CARMIL1: variants seen among roughly 807,000 people sequenced by gnomAD.
CARMIL1 encodes capping protein regulator and myosin 1 linker 1, also known as F-actin-uncapping protein LRRC16A.
In CARMIL1, 90 loss-of-function variants were observed where a neutral mutation model predicts 177.1. The ratio of observed to expected loss-of-function variants is 0.51; its 90% CI spans 0.43 to 0.61. The LOEUF is 0.61. CARMIL1 is among the 20% of genes least tolerant of loss of function. CARMIL1 has a pLI of 0.00. For synonymous variants in CARMIL1, 577 were observed against 606.2 expected, an observed-to-expected ratio of 0.95 and a Z score of 0.71; for missense variants, 1,380 against 1,667.0, an observed-to-expected ratio of 0.83 and a Z score of 3.00.
At chr6:25,341,649 C>G (rs1292267318) in intron 2 of CARMIL1, among the ~76,000 whole-genome samples, 1 of 152,234 alleles carries the variant, frequency 6.6e-6, no homozygotes, top group Admixed American at 6.5e-5. Flanking sequence ...ACCTGCAGGG[C>G]AGAGGTTGCA....
At chr6:25,431,742 C>T (rs952958028) in intron 4 of CARMIL1, among the ~76,000 whole-genome samples, 11 of 152,150 alleles carry the variant, frequency 7.2e-5, no homozygotes, top group Non-Finnish European at 1.3e-4. Flanking sequence ...TCTTACCACA[C>T]TTGTAGTCTT....
intron 2 of CARMIL1, among the ~76,000 whole-genome samples, chr6:25,344,014 CTCTT>C (rs571039020): frequency 5.7e-4 from 87 of 152,222 alleles, no homozygotes; most frequent in Admixed American, 3.0e-3. Flanking sequence ...GGTCATTCCC[CTCTT>C]TCTTTGAAAA....
intron 2 of CARMIL1, among the ~76,000 whole-genome samples, chr6:25,397,060 A>T (rs1793467932): frequency 6.6e-6 from 1 of 152,112 alleles, no homozygotes; most frequent in Non-Finnish European, 1.5e-5. Flanking sequence ...GCAAACACTT[A>T]TTGAGGGGGG....
intron 2 of CARMIL1, among the ~76,000 whole-genome samples, chr6:25,330,888 GTTTTTT>G (rs67633087): frequency 1.8e-4 from 21 of 118,212 alleles, no homozygotes; most frequent in African/African-American, 4.5e-4. Flanking sequence ...TTTTCAAGAG[GTTTTTT>G]TTTTTTTTTT....
chr6:25,414,163 T>C (rs1461916578), intron 2 of CARMIL1, among the ~76,000 whole-genome samples: 2 of 152,194 alleles, frequency 1.3e-5, no homozygotes, highest in East Asian at 3.9e-4. Flanking sequence ...ATGAGGCACC[T>C]CAGTTTGCTC....
chr6:25,305,235 T>C (rs1783171266), intron 2 of CARMIL1, among the ~76,000 whole-genome samples: 1 of 152,208 alleles, frequency 6.6e-6, no homozygotes, highest in South Asian at 2.1e-4. Context: ...GCTAATACTT[T>C]AAAAGGTTCT....
chr6:25,419,450 C>T (rs1040260890), intron 2 of CARMIL1, among the ~76,000 whole-genome samples: 7 of 152,146 alleles, frequency 4.6e-5, no homozygotes, highest in Non-Finnish European at 8.8e-5. Context: ...CCTAGCTCAG[C>T]CCCTTAGTAT....
chr6:25,570,407 ATTT>A (rs1811974559), intron 29 of CARMIL1, among the ~76,000 whole-genome samples: 2 of 152,196 alleles, frequency 1.3e-5, no homozygotes, highest in African/African-American at 4.8e-5. Flanking sequence ...AGAGAATTCT[ATTT>A]TTGGACTACT....
At chr6:25,383,281 A>G (rs964360707) in intron 2 of CARMIL1, among the ~76,000 whole-genome samples, 1 of 152,206 alleles carries the variant, frequency 6.6e-6, no homozygotes, top group African/African-American at 2.4e-5. Context: ...AAATGTCTTT[A>G]TAAGGTTTCA....
At position 25,279,406 on chromosome 6, in the gene CARMIL1, G is replaced by T; in HGVS notation, c.-390G>T. On this transcript the variant is annotated 5_prime_UTR_variant, in exon 1 of 37. Transcript: ENST00000329474. ...CCCACGCCTTCCGCTTTCACCTAGG[G>T]CTGTAGGTGCGGCGCGGAGGCTGGG... 2.9e-6 allele frequency: 1 copy of T among 340,070 alleles called. No individual in the cohort carries two copies. The highest frequency in any genetic ancestry group is 5.5e-6 in the Non-Finnish European group (1 of 182,816). 21.1% of individuals were successfully genotyped at this position (340,070 alleles called of 1,614,324 possible).
chr6:25,390,712 G>T (rs948597343), intron 2 of CARMIL1, among the ~76,000 whole-genome samples: 1 of 151,702 alleles, frequency 6.6e-6, no homozygotes, highest in Admixed American at 6.6e-5. Context: ...TTTTTTTTGC[G>T]ACAGTCTCGC....
chr6:25,366,203 C>T (rs982123492), intron 2 of CARMIL1, among the ~76,000 whole-genome samples: 1 of 151,978 alleles, frequency 6.6e-6, no homozygotes, highest in Non-Finnish European at 1.5e-5. Flanking sequence ...CACTGTGTTG[C>T]CCAGGCTGAT....
intron 2 of CARMIL1, among the ~76,000 whole-genome samples, chr6:25,395,669 TA>T (rs747397756): frequency 7.2e-5 from 11 of 152,254 alleles, no homozygotes; most frequent in African/African-American, 1.4e-4. Context: ...ATTGCTCATA[TA>T]GTATTGCTCG....
In CARMIL1 at chr6:25,515,548, A is replaced by G; in HGVS notation, c.1633-127A>G. ...AAGTTTCTATCCACGAGTGTCTTTT[A>G]GGTAGTAGTTCTAAAATCAGACACG... On this transcript the variant is annotated intron_variant, in intron 20 of 36. Coordinates refer to ENST00000329474, the MANE Select transcript of CARMIL1 (RefSeq NM_017640.6). The surrounding 1 kb of genome is among the most constrained non-coding windows in gnomAD (Gnocchi z 5.0). The G allele has an allele frequency of 1.3e-6, 1 of 796,634 alleles. No homozygotes were observed. Among genetic ancestry groups the G allele is most frequent in the Non-Finnish European group, 1.9e-6 (1 of 531,376 alleles). 49.3% of individuals were successfully genotyped at this position (796,634 alleles called of 1,614,324 possible).
intron 17 of CARMIL1, among the ~76,000 whole-genome samples, chr6:25,500,920 C>A (rs980655136): frequency 6.6e-6 from 1 of 151,850 alleles, no homozygotes; most frequent in East Asian, 1.9e-4. Context: ...CCACCACGCC[C>A]GGCTATTTTT....
At chr6:25,444,046 G>A (rs1422126991) in intron 5 of CARMIL1, among the ~76,000 whole-genome samples, 5 of 152,120 alleles carry the variant, frequency 3.3e-5, no homozygotes, top group Non-Finnish European at 7.4e-5. Context: ...CAGGTGATCC[G>A]CCTGCCTCAG....
rs572982446 is a variant in CARMIL1, at chr6:25,542,791, A to C, written c.2328+2713A>C. ...CATGACAAGTGGACAACCTTTTACT[A>C]TTAAAAAAAATACCATTTGTCTATA... On this transcript the variant is annotated intron_variant, in intron 26 of 36. Coordinates refer to ENST00000329474, the MANE Select transcript of CARMIL1 (RefSeq NM_017640.6). Among the ~76,000 whole-genome samples, 34 of 152,236 alleles carry C rather than the reference A, an allele frequency of 2.2e-4. No homozygotes were observed. In the East Asian group the frequency reaches 4.2e-3, roughly 19 times the overall value.
intron 2 of CARMIL1, among the ~76,000 whole-genome samples, chr6:25,300,073 G>A (rs1782729260): frequency 1.3e-5 from 2 of 151,928 alleles, no homozygotes; most frequent in African/African-American, 4.8e-5. Context: ...TAGATCAGTG[G>A]GTTTCAAATG....
At chr6:25,427,159 AATT>A (rs1424571761) in intron 4 of CARMIL1, among the ~76,000 whole-genome samples, 2 of 152,016 alleles carry the variant, frequency 1.3e-5, no homozygotes, top group African/African-American at 4.8e-5. Context: ...CAGTCAGTTT[AATT>A]ATTATTATTT....
Sources: allele counts gnomAD v4.1 joint callset (sites outside exome capture counted in the v4.1 genomes callset), GRCh38; gene constraint gnomAD v4.1.1; non-coding constraint Gnocchi (gnomAD v3.1); transcripts MANE v1.5; gene names NCBI Gene and HGNC (gene_info 2026-07-23, HGNC 2026-07-21).